The following MEIOB variants were observed in gnomAD, a reference collection of about 807,000 sequenced individuals.
MEIOB encodes the protein meiosis specific with OB-fold.
A neutral mutation model predicts 53.1 loss-of-function variants in MEIOB; 50 were observed. The observed-to-expected ratio is 0.94, with a 90% CI of 0.75 to 1.19. The LOEUF (loss-of-function observed/expected upper bound fraction) is 1.19, where lower values mean the gene tolerates loss of function less well. Among genes scored for constraint, MEIOB ranks in the 50% most tolerant of loss-of-function variants. The probability of loss-of-function intolerance (pLI) is 0.00; values close to 1 mark genes in which losing one functional copy is unlikely to be tolerated. For synonymous variants in MEIOB, 192 were observed against 182.5 expected (o/e 1.05, Z -0.42); for missense variants, 551 against 550.8 (o/e 1.00, Z 0.00).
chr16:1,856,441 T>C (rs1434872503), intron 6 of MEIOB, among the ~76,000 whole-genome samples: 1 of 152,064 alleles, frequency 6.6e-6, no homozygotes, highest in Non-Finnish European at 1.5e-5. Context: ...TGCCTCAGCC[T>C]CCTGAGTAGC....
In MEIOB at chr16:1,862,019, C is replaced by G; in HGVS notation, c.225G>C (p.Lys75Asn). The change falls in exon 4 of 14, where the codon AAG becomes AAC. Residue 75 changes from lysine to asparagine, a missense_variant. Transcript: ENST00000325962. ...CAACCCTAAAGCTGTCAGAAAGAGA[C>G]TTGATGTAATCTTCATTGCCCCAGG... ...AASWGNEDYI[K>N]SLSDSFRVGD... 2 of 1,551,406 alleles carry G rather than the reference C, an allele frequency of 1.3e-6. No individual in the cohort carries two copies. Among genetic ancestry groups the G allele is most frequent in the Non-Finnish European group, 1.7e-6 (2 of 1,146,838 alleles).
At chr16:1,846,173 GC>G (rs1899022575) in intron 9 of MEIOB, among the ~76,000 whole-genome samples, 1 of 152,188 alleles carries the variant, frequency 6.6e-6, no homozygotes, top group Admixed American at 6.5e-5. Context: ...ATGAATGAAT[GC>G]AGAACTCTAT....
intron 3 of MEIOB, among the ~76,000 whole-genome samples, chr16:1,865,461 A>T (rs1899565555): frequency 6.9e-6 from 1 of 144,682 alleles, no homozygotes; most frequent in Non-Finnish European, 1.5e-5. Flanking sequence ...ACATGTACTC[A>T]AATATACATA....
At chr16:1,834,854 G>C (rs907097350) in intron 13 of MEIOB, among the ~76,000 whole-genome samples, 1 of 152,182 alleles carries the variant, frequency 6.6e-6, no homozygotes, top group African/African-American at 2.4e-5. Flanking sequence ...AGAATCCCTT[G>C]AACCCGGGAG....
At chr16:1,844,468 T>C (rs1160315626) in intron 10 of MEIOB, among the ~76,000 whole-genome samples, 3 of 151,970 alleles carry the variant, frequency 2.0e-5, no homozygotes, top group Non-Finnish European at 4.4e-5. Flanking sequence ...TTTTTTGAGA[T>C]ACAGTCTTGT....
chr16:1,863,010 C>G (rs1364743705), intron 3 of MEIOB, among the ~76,000 whole-genome samples: 1 of 152,000 alleles, frequency 6.6e-6, no homozygotes, highest in Non-Finnish European at 1.5e-5. Flanking sequence ...AGGAGAATCA[C>G]TTGAGGCCTG....
At position 1,834,419 on chromosome 16, in the gene MEIOB, G is replaced by A. The variant is rs916883260; in HGVS notation, c.1306-53C>T. 7.4e-6 allele frequency: 7 copies of A among 941,452 alleles called. No individual in the cohort carries two copies. In the Admixed American group the frequency reaches 1.4e-4, roughly 19 times the overall value. 58.3% of individuals were successfully genotyped at this position (941,452 alleles called of 1,614,324 possible). ...AAAGGTTAATTTTTAAAATCCCCTT[G>A]TATATCAAGTTGAAAAATCAATGAT... is the stretch of plus-strand genomic sequence containing the variant. On this transcript the variant is annotated intron_variant, in intron 13 of 13. Transcript: ENST00000325962.
At chr16:1,860,164 C>T (rs1050039633) in intron 5 of MEIOB, among the ~76,000 whole-genome samples, 3 of 152,168 alleles carry the variant, frequency 2.0e-5, no homozygotes, top group African/African-American at 7.2e-5. Flanking sequence ...ATGACAAAGT[C>T]AAATTTTTGT....
intron 6 of MEIOB, among the ~76,000 whole-genome samples, chr16:1,855,661 G>T (rs1221933761): frequency 6.6e-6 from 1 of 152,166 alleles, no homozygotes; most frequent in African/African-American, 2.4e-5. Flanking sequence ...AGAATTTGGG[G>T]AAATCGCAAA....
At position 1,853,255 on chromosome 16, in the gene MEIOB, T is replaced by C. The variant is rs1899216028; in HGVS notation, c.646A>G (p.Ile216Val). The change falls in exon 8 of 14, where the codon ATT becomes GTT. Residue 216 changes from isoleucine to valine, a missense_variant. Physicochemically the swap from Ile to Val is conservative, Grantham distance 29. Coordinates refer to ENST00000325962, the MANE Select transcript of MEIOB (RefSeq NM_001163560.3). ...FAMTCWDNES[I>V]LLAQSWMPRE... ...GGCATCCAGCTCTGTGCAAGTAGAA[T>C]GGATTCATTATCCCAACTGCATTTG... The C allele has an allele frequency of 3.9e-6, 6 of 1,550,458 alleles. No homozygotes were observed. The highest frequency in any genetic ancestry group is 5.2e-6 in the Non-Finnish European group (6 of 1,145,544).
intron 4 of MEIOB, among the ~76,000 whole-genome samples, chr16:1,861,492 T>C (rs1899441269): frequency 6.6e-6 from 1 of 151,870 alleles, no homozygotes; most frequent in Non-Finnish European, 1.5e-5. Context: ...AACTATCACA[T>C]TTGTATGCTT....
At chr16:1,834,898 G>A (rs1316597208) in intron 13 of MEIOB, among the ~76,000 whole-genome samples, 2 of 151,652 alleles carry the variant, frequency 1.3e-5, no homozygotes, top group African/African-American at 4.8e-5. Context: ...TTGTGCCATT[G>A]CACTCCAGCT....
At chr16:1,849,893 T>C (rs1899119953) in intron 9 of MEIOB, among the ~76,000 whole-genome samples, 2 of 152,310 alleles carry the variant, frequency 1.3e-5, no homozygotes, top group East Asian at 1.9e-4. Flanking sequence ...GTAGCACATA[T>C]GTTAATTAGC....
intron 9 of MEIOB, among the ~76,000 whole-genome samples, chr16:1,847,246 G>T (rs1432512936): frequency 6.6e-6 from 1 of 151,768 alleles, no homozygotes; most frequent in Non-Finnish European, 1.5e-5. Context: ...TGGATCACCT[G>T]AGGTCAGGAG....
chr16:1,848,605 T>C (rs926048750), intron 9 of MEIOB, among the ~76,000 whole-genome samples: 9 of 147,224 alleles, frequency 6.1e-5, no homozygotes, highest in African/African-American at 2.3e-4. Context: ...TGCAGTGGCA[T>C]GATCTCGACT....
At chr16:1,871,237 T>TTTTC (rs1899735043) in intron 1 of MEIOB, among the ~76,000 whole-genome samples, 3 of 151,950 alleles carry the variant, frequency 2.0e-5, no homozygotes, top group Non-Finnish European at 1.5e-5. Context: ...TTTTGTTTTT[T>TTTTC]GAGACAGAGT....
chr16:1,840,556 T>C (rs1898878103), intron 11 of MEIOB, among the ~76,000 whole-genome samples: 1 of 143,256 alleles, frequency 7.0e-6, no homozygotes, highest in African/African-American at 2.6e-5. Context: ...TATTTTTTTT[T>C]TTTTTGAGAC....
intron 7 of MEIOB, 74 bp from the exon 8 acceptor site, chr16:1,853,345 C>A (rs1899218557): frequency 1.6e-6 from 2 of 1,216,666 alleles, no homozygotes; most frequent in Non-Finnish European, 2.3e-6. Flanking sequence ...TTATTTACAA[C>A]AATAAAAGAA....
intron 11 of MEIOB, chr16:1,840,216 T>G (rs1168665719): frequency 6.6e-6 from 1 of 152,192 alleles, no homozygotes; most frequent in Non-Finnish European, 1.5e-5. Flanking sequence ...AATTAGTTTT[T>G]CAATTTTTGA....
Sources: allele counts gnomAD v4.1 joint callset (sites outside exome capture counted in the v4.1 genomes callset), GRCh38; gene constraint gnomAD v4.1.1; transcripts MANE v1.5; gene names NCBI Gene and HGNC (gene_info 2026-07-23, HGNC 2026-07-21).